Variants in HSF4 observed in about 807,000 individuals in gnomAD.
The protein encoded by HSF4 is heat shock factor protein 4.
Under a neutral mutation model 52.0 loss-of-function variants are expected in HSF4, and 41 were observed. That is an observed-to-expected ratio of 0.79 (90% CI 0.61 to 1.02). The LOEUF is 1.02. Ranked by LOEUF, HSF4 falls within the 50% of genes least tolerant of loss-of-function variation. The probability of loss-of-function intolerance (pLI) is 0.00; values close to 1 mark genes in which losing one functional copy is unlikely to be tolerated. For missense variants in HSF4, 610 were observed against 651.1 expected (o/e 0.94, Z 0.69); for synonymous variants, 285 against 273.0 (o/e 1.04, Z -0.43).
chr16:67,165,646 C>A lies in HSF4; in HGVS notation c.232+16C>A. On this transcript the variant is annotated intron_variant, in intron 2 of 12. Coordinates refer to ENST00000521374, the MANE Select transcript of HSF4 (RefSeq NM_001374675.1). The surrounding 1 kb of genome is among the most constrained non-coding windows in gnomAD (Gnocchi z 6.9). ...CTCAACATGTGTGAGTCCCTACGGC[C>A]GGGCGGGGAGCGGGGATGGGGGACT... The A allele has an allele frequency of 6.2e-7, 1 of 1,612,632 alleles. No individual in the cohort carries two copies. The highest frequency in any genetic ancestry group is 1.1e-5 in the South Asian group (1 of 91,086).
rs1248265390 is a variant in HSF4, at chr16:67,166,637, CAAG to C, written c.626+19_626+21del. 6.2e-7 allele frequency: 1 copy of C among 1,612,318 alleles called. No homozygotes were observed. Among genetic ancestry groups the C allele is most frequent in the Non-Finnish European group, 8.5e-7 (1 of 1,178,944 alleles). On this transcript the variant is annotated intron_variant, in intron 6 of 12. Coordinates refer to ENST00000521374, the MANE Select transcript of HSF4 (RefSeq NM_001374675.1). ...AAGAGAAAGCTGTGAGTGAGAAAGCCAAGAAGGCCCACACCCACTTCCAAGACC... is the reference window on the plus strand; with the variant it reads ...AAGAGAAAGCTGTGAGTGAGAAAGCCAAGGCCCACACCCACTTCCAAGACC...
intron 4 of HSF4, 99 bp downstream of exon 4, chr16:67,166,169 C>T (rs1250013362): frequency 2.1e-6 from 3 of 1,413,024 alleles, no homozygotes; most frequent in Admixed American, 2.0e-5. Context: ...TTCCTCTCTC[C>T]TGCCTTGGCG....
Position 67,165,646 on chromosome 16 carries a change from CGGGCGGG to C in HSF4, c.232+18_232+24del. The C allele has an allele frequency of 1.2e-6, 2 of 1,612,632 alleles. No individual in the cohort carries two copies. The highest frequency in any genetic ancestry group is 1.7e-6 in the Non-Finnish European group (2 of 1,179,808). On this transcript the variant is annotated intron_variant, in intron 2 of 12. Coordinates refer to ENST00000521374, the MANE Select transcript of HSF4 (RefSeq NM_001374675.1). The surrounding 1 kb of genome is among the most constrained non-coding windows in gnomAD (Gnocchi z 6.9). The stretch of plus-strand genomic sequence containing the variant: ...CTCAACATGTGTGAGTCCCTACGGC[CGGGCGGG>C]GAGCGGGGATGGGGGACTCGGTGCC...
In HSF4 at chr16:67,164,930, G is replaced by T. The variant is rs567745832; in HGVS notation, c.119G>T (p.Ser40Ile). Residue 40 changes from serine (S) to isoleucine (I), a missense_variant, in exon 1 of 13, where the codon AGC becomes ATC. By Grantham distance (142) the Ser-to-Ile change is moderately radical (BLOSUM62 -2). Transcript: ENST00000521374. ...GGCACAGACCACCTGATCCGCTGGA[G>T]CCCGGTGAGGGCCGGGGCCCCTCGA... ...DPGTDHLIRW[S>I]PSGTSFLVSD... The T allele has an allele frequency of 1.9e-6, 3 of 1,605,200 alleles. No individual in the cohort carries two copies. In the South Asian group the frequency reaches 3.3e-5, roughly 18 times the overall value.
Position 67,165,576 on chromosome 16 carries a change from C to T in HSF4, c.178C>T (p.Pro60Ser), listed in dbSNP as rs2031203206. The T allele has an allele frequency of 1.2e-6, 2 of 1,613,184 alleles. No individual in the cohort carries two copies. The highest frequency in any genetic ancestry group is 1.3e-5 in the African/African-American group (1 of 74,932). ...GAGCCGTTTCGCCAAGGAAGTGCTG[C>T]CCCAGTATTTCAAGCATAGCAACAT... is the stretch of plus-strand genomic sequence containing the variant. ...DQSRFAKEVL[P>S]QYFKHSNMAS... Residue 60 changes from proline to serine, a missense_variant, in exon 2 of 13, where the codon CCC (proline) becomes TCC (serine). Pro to Ser is a moderately conservative substitution (Grantham distance 74). Coordinates refer to ENST00000521374, the MANE Select transcript of HSF4 (RefSeq NM_001374675.1). This position sits in a 1 kb window ranked among gnomAD's most constrained non-coding sequence, Gnocchi z 6.9.
intron 8 of HSF4, 53 bp downstream of exon 8, chr16:67,167,652 C>G (rs2031405037): frequency 6.2e-7 from 1 of 1,612,260 alleles, no homozygotes; most frequent in African/African-American, 1.3e-5. Context: ...GCCTGGCAGC[C>G]CAGATGGCTG....
In HSF4 at chr16:67,165,282, C is replaced by G. The variant is rs2031167893; in HGVS notation, c.124-240C>G. 1.7e-6 allele frequency: 1 copy of G among 599,192 alleles called. No individual in the cohort carries two copies. The highest frequency in any genetic ancestry group is 3.0e-5 in the Admixed American group (1 of 33,860). The allele number at this position is 599,192 out of a possible 1,614,324, so 37.1% of individuals were successfully genotyped here. On this transcript the variant is annotated intron_variant, in intron 1 of 12. Transcript: ENST00000521374. The surrounding 1 kb of genome is among the most constrained non-coding windows in gnomAD (Gnocchi z 6.9). ...TGGGAACCCCGTCAGCCTCTCCTTT[C>G]TGAGAACTGAGTATGGAGTCAGGGT...
In HSF4 at chr16:67,165,773, G is replaced by T; in HGVS notation, c.287G>T (p.Arg96Leu). The T allele has an allele frequency of 6.2e-7, 1 of 1,610,442 alleles. No homozygotes were observed. Residue 96 changes from arginine to leucine, a missense_variant, in exon 3 of 13, where the codon CGC becomes CTC. Physicochemically the swap from Arg to Leu is moderately radical, Grantham distance 102 (BLOSUM62 -2). Transcript: ENST00000521374. The surrounding 1 kb of genome is among the most constrained non-coding windows in gnomAD (Gnocchi z 6.9). ...CAGGGCGGCCTGCTTAGGCCGGAGC[G>T]CGACCACGTCGAGTTCCAGCACCCG... The part of the protein sequence containing the change: ...IEQGGLLRPE[R>L]DHVEFQHPSF...
chr16:67,167,570 C>A lies in HSF4; in HGVS notation c.825C>A (p.Thr275=), dbSNP rs1219049565. The A allele has an allele frequency of 6.2e-7, 1 of 1,613,530 alleles. No homozygotes were observed. Among genetic ancestry groups the A allele is most frequent in the Non-Finnish European group, 8.5e-7 (1 of 1,179,966 alleles). ...AAGACTCTCCATCCCCTGAGGGGACCAGGCTTTCTCCCTCCAGTGATGGCA... is the reference window on the plus strand; with the variant it reads ...AAGACTCTCCATCCCCTGAGGGGACAAGGCTTTCTCCCTCCAGTGATGGCA... ...IPEDSPSPEG[T]RLSPSSDGRR... The change falls in exon 8 of 13, where the codon ACC becomes ACA. Residue 275 remains threonine, a synonymous_variant. Coordinates refer to ENST00000521374, the MANE Select transcript of HSF4 (RefSeq NM_001374675.1).
At chr16:67,166,122 G>T in intron 4 of HSF4, 52 bp downstream of exon 4, 1 of 1,502,904 alleles carries the variant, frequency 6.7e-7, no homozygotes, top group Non-Finnish European at 8.9e-7. Flanking sequence ...TTCGGGATGA[G>T]ACCATAACTG....
chr16:67,163,917 T>G, upstream of HSF4: 1 of 1,500,606 alleles, frequency 6.7e-7, no homozygotes, highest in South Asian at 1.2e-5. Flanking sequence ...TGCCTTCTTT[T>G]GGGATTGTTG....
intron 4 of HSF4, 50 bp downstream of exon 4, chr16:67,166,120 G>A (rs563355807): frequency 6.6e-7 from 1 of 1,505,664 alleles, no homozygotes; most frequent in South Asian, 1.2e-5. Flanking sequence ...GGTTCGGGAT[G>A]AGACCATAAC....
chr16:67,169,852 C>A lies in HSF4; in HGVS notation c.*67C>A. 1 of 1,589,476 alleles carries A rather than the reference C, an allele frequency of 6.3e-7. No homozygotes were observed. Among genetic ancestry groups the A allele is most frequent in the South Asian group, 1.1e-5 (1 of 90,660 alleles). On this transcript the variant is annotated 3_prime_UTR_variant, in exon 13 of 13. Coordinates refer to ENST00000521374, the MANE Select transcript of HSF4 (RefSeq NM_001374675.1). This position sits in a 1 kb window ranked among gnomAD's most constrained non-coding sequence, Gnocchi z 4.3. ...GCACATCCTTCTTGGCTTCCTGGCG[C>A]CCCCTATCGGGGGTGAGCGAAGCCC...
Position 67,169,256 on chromosome 16 carries a change from T to C in HSF4, c.1255-23T>C. 6.2e-7 allele frequency: 1 copy of C among 1,612,966 alleles called. No homozygotes were observed. Among genetic ancestry groups the C allele is most frequent in the Non-Finnish European group, 8.5e-7 (1 of 1,179,848 alleles). Reference sequence around the variant, plus strand: ...TCAGCTGCTAGGTCCCCTCCCCAGCTGCTCCCTGCGGTTCTCACGCAGATG... The same window carrying C: ...TCAGCTGCTAGGTCCCCTCCCCAGCCGCTCCCTGCGGTTCTCACGCAGATG... On this transcript the variant is annotated intron_variant, in intron 11 of 12. Transcript: ENST00000521374. The surrounding 1 kb of genome is among the most constrained non-coding windows in gnomAD (Gnocchi z 4.3).
Position 67,165,015 on chromosome 16 carries a change from C to T in HSF4, c.123+81C>T. On this transcript the variant is annotated intron_variant, in intron 1 of 12. Coordinates refer to ENST00000521374, the MANE Select transcript of HSF4 (RefSeq NM_001374675.1). This position sits in a 1 kb window ranked among gnomAD's most constrained non-coding sequence, Gnocchi z 6.9. ...TGAACACCCATGCCCGCCCAACCCC[C>T]TCCTGAGACTGGGCCGTGGATCCCC... The T allele has an allele frequency of 7.2e-7, 1 of 1,395,812 alleles. No individual in the cohort carries two copies. The allele number at this position is 1,395,812 out of a possible 1,614,324, so 86.5% of individuals were successfully genotyped here.
chr16:67,166,730 C>T, intron 6 of HSF4, 108 bp downstream of exon 6: 1 of 1,035,656 alleles, frequency 9.7e-7, no homozygotes, highest in East Asian at 2.4e-5. Flanking sequence ...AATCCTCATT[C>T]CTCCCCCTGC....
chr16:67,163,834 C>A (rs1363514744), upstream of HSF4: 2 of 1,532,118 alleles, frequency 1.3e-6, no homozygotes, highest in East Asian at 2.3e-5. Flanking sequence ...GGCGACTTCT[C>A]TCCCCCGTCC....
upstream of HSF4, chr16:67,164,708 C>CGGGGCGGAGT (rs2031109039): frequency 1.9e-5 from 26 of 1,369,992 alleles, no homozygotes; most frequent in South Asian, 3.7e-4. Flanking sequence ...CCCGGCGCCC[C>CGGGGCGGAGT]GGGGCGGAGT....
chr16:67,167,343 A>C, intron 7 of HSF4, 121 bp downstream of exon 7: 1 of 1,609,700 alleles, frequency 6.2e-7, no homozygotes, highest in African/African-American at 1.3e-5. Flanking sequence ...AACCAGACCC[A>C]GGCCCTCCAG....
Sources: gnomAD v4.1 joint callset for allele counts on GRCh38, gnomAD v4.1.1 for gene constraint, Gnocchi (gnomAD v3.1) non-coding constraint, MANE v1.5 for transcripts, NCBI Gene and HGNC (gene_info 2026-07-23, HGNC 2026-07-21) for gene names.